The following TRMT11 variants were observed in gnomAD, a reference collection of about 807,000 sequenced individuals.
The protein encoded by TRMT11 is tRNA methyltransferase 11, also known as tRNA (guanine(10)-N(2))-methyltransferase TRMT11.
Under a neutral mutation model 62.8 loss-of-function variants are expected in TRMT11, and 53 were observed. The ratio of observed to expected loss-of-function variants is 0.84; its 90% CI spans 0.68 to 1.06. TRMT11 has a LOEUF of 1.06. Ranked by LOEUF, TRMT11 falls within the 50% of genes least tolerant of loss-of-function variation. TRMT11 has a pLI of 0.00. For synonymous variants in TRMT11, 188 were observed against 190.3 expected (o/e 0.99, Z 0.10); for missense variants, 556 against 553.4 (o/e 1.00, Z -0.05).
At chr6:126,154,611 A>G (rs1255174044) in intron 21 of TRMT11, among the ~76,000 whole-genome samples, 1 of 152,160 alleles carries the variant, frequency 6.6e-6, no homozygotes, top group Non-Finnish European at 1.5e-5. Flanking sequence ...CCAAAATTGA[A>G]TATTTTAGTT....
intron 21 of TRMT11, among the ~76,000 whole-genome samples, chr6:126,169,313 G>C (rs1778303507): frequency 6.6e-6 from 1 of 152,138 alleles, no homozygotes; most frequent in Non-Finnish European, 1.5e-5. Flanking sequence ...GAGACTCTAA[G>C]TGATGTTTTG....
At chr6:126,013,220 C>T (rs1024482876) in intron 11 of TRMT11, 119 bp downstream of exon 11, 3 of 869,506 alleles carry the variant, frequency 3.5e-6, no homozygotes, top group Non-Finnish European at 5.2e-6. Flanking sequence ...TTTGTAATAG[C>T]CTTTGTTTGC....
At chr6:126,064,308 C>T (rs567487251) in intron 17 of TRMT11, among the ~76,000 whole-genome samples, 4 of 152,148 alleles carry the variant, frequency 2.6e-5, no homozygotes, top group South Asian at 2.1e-4. Flanking sequence ...TGACCGATAC[C>T]CTGGATTAAA....
At chr6:126,153,924 A>G (rs1296712741) in intron 21 of TRMT11, among the ~76,000 whole-genome samples, 2 of 152,088 alleles carry the variant, frequency 1.3e-5, no homozygotes, top group East Asian at 3.9e-4. Flanking sequence ...TTTTTCATTG[A>G]CATACCCAGG....
chr6:126,074,618 A>G (rs184323207), intron 17 of TRMT11, among the ~76,000 whole-genome samples: 220 of 152,308 alleles, frequency 1.4e-3, no homozygotes, highest in African/African-American at 4.8e-3. Context: ...TTCTTAGTGT[A>G]AAATATCTTT....
intron 12 of TRMT11, 61 bp downstream of exon 12, chr6:126,021,341 A>G (rs1458000862): frequency 1.3e-6 from 2 of 1,575,046 alleles, no homozygotes; most frequent in South Asian, 1.1e-5. Flanking sequence ...TTGTTTCTAA[A>G]TAGTTTTCCT....
chr6:126,210,501 C>T, the TRMT11 span, among the ~76,000 whole-genome samples: 4 of 152,176 alleles, frequency 2.6e-5, no homozygotes, highest in African/African-American at 9.6e-5. Flanking sequence ...GACTCCTGAC[C>T]CATGGAAATT....
chr6:126,061,362 A>G (rs934475729), intron 17 of TRMT11, among the ~76,000 whole-genome samples: 1 of 152,218 alleles, frequency 6.6e-6, no homozygotes. Flanking sequence ...AGCTAAAGTC[A>G]TTAATATAGT....
chr6:126,270,626 G>A, the TRMT11 span, among the ~76,000 whole-genome samples: 23,578 of 151,984 alleles, frequency 0.16, 2,454 homozygotes, highest in East Asian at 0.52. Flanking sequence ...CTTGTTCTCA[G>A]GCAATACATG....
intron 1 of TRMT11, among the ~76,000 whole-genome samples, chr6:126,190,619 TTTACCA>T (rs948330322): frequency 3.2e-4 from 49 of 152,218 alleles, no homozygotes; most frequent in Admixed American, 5.9e-4. Context: ...CCAGCCTCTG[TTTACCA>T]TGATTTCAGT....
At chr6:126,167,125 G>A (rs1418244579) in intron 21 of TRMT11, among the ~76,000 whole-genome samples, 3 of 152,210 alleles carry the variant, frequency 2.0e-5, no homozygotes, top group East Asian at 1.9e-4. Flanking sequence ...GGAGTGAATG[G>A]TTCTGTCTCG....
intron 21 of TRMT11, among the ~76,000 whole-genome samples, chr6:126,122,940 A>G (rs143036322): frequency 3.3e-5 from 5 of 152,122 alleles, no homozygotes; most frequent in African/African-American, 9.7e-5. Context: ...CTGTACATAT[A>G]TAATCTGTGA....
chr6:126,023,333 A>G (rs577086823), intron 12 of TRMT11, among the ~76,000 whole-genome samples: 9 of 152,278 alleles, frequency 5.9e-5, no homozygotes, highest in Middle Eastern at 3.4e-3. Context: ...TGATTAACCA[A>G]TACTGGCCAT....
chr6:126,188,649 T>A (rs937903078), intron 1 of TRMT11, among the ~76,000 whole-genome samples: 2 of 152,192 alleles, frequency 1.3e-5, no homozygotes, highest in African/African-American at 4.8e-5. Context: ...TATGTATTTA[T>A]AGTTCATAAT....
chr6:126,203,840 T>TA (rs1246201950), downstream of TRMT11, among the ~76,000 whole-genome samples: 1 of 152,078 alleles, frequency 6.6e-6, no homozygotes, highest in Admixed American at 6.6e-5. Context: ...AATGATTCAT[T>TA]AAAAAATCTA....
chr6:126,138,216 G>A (rs1777875233), intron 21 of TRMT11, among the ~76,000 whole-genome samples: 1 of 151,792 alleles, frequency 6.6e-6, no homozygotes, highest in Non-Finnish European at 1.5e-5. Flanking sequence ...AAAATACCAT[G>A]TTCACAAAAA....
At chr6:126,184,964 C>T (rs955061036) in intron 1 of TRMT11, among the ~76,000 whole-genome samples, 1 of 152,162 alleles carries the variant, frequency 6.6e-6, no homozygotes, top group African/African-American at 2.4e-5. Context: ...TGTGTTTGCA[C>T]ATTATTAAAC....
intron 1 of TRMT11, among the ~76,000 whole-genome samples, chr6:126,178,458 A>G (rs1778416100): frequency 6.6e-6 from 1 of 152,202 alleles, no homozygotes; most frequent in Non-Finnish European, 1.5e-5. Context: ...AATATCTTGC[A>G]TGCTCAAGCC....
chr6:126,187,370 A>C (rs1257757850), intron 1 of TRMT11, among the ~76,000 whole-genome samples: 4 of 150,330 alleles, frequency 2.7e-5, no homozygotes, highest in Non-Finnish European at 5.9e-5. Flanking sequence ...CGATACAGTA[A>C]AAAAAATCAA....
Sources: gnomAD v4.1 joint callset for allele counts (sites outside exome capture counted in the v4.1 genomes callset) on GRCh38, gnomAD v4.1.1 for gene constraint, MANE v1.5 for transcripts, NCBI Gene and HGNC (gene_info 2026-07-23, HGNC 2026-07-21) for gene names.